The following SPON1 variants were observed in gnomAD, a reference collection of about 807,000 sequenced individuals.
SPON1 encodes the protein spondin 1, also known as spondin-1.
In SPON1, 52 loss-of-function variants were observed where a neutral mutation model predicts 111.7. The observed-to-expected ratio is 0.47, with a 90% CI of 0.37 to 0.59. The LOEUF (loss-of-function observed/expected upper bound fraction) is 0.59, where lower values mean the gene tolerates loss of function less well. Ranked by LOEUF, SPON1 falls within the 20% of genes least tolerant of loss-of-function variation. The pLI is 0.00. For missense variants in SPON1, 957 were observed against 1,068.5 expected (o/e 0.90, Z 1.46); for synonymous variants, 410 against 395.8 (o/e 1.04, Z -0.43).
intron 6 of SPON1, among the ~76,000 whole-genome samples, chr11:14,161,696 A>G (rs1554931364): frequency 6.6e-6 from 1 of 152,042 alleles, no homozygotes; most frequent in African/African-American, 2.4e-5. Flanking sequence ...TGAATATCTC[A>G]TATAGTTTAT....
intron 6 of SPON1, among the ~76,000 whole-genome samples, chr11:14,174,431 C>A (rs908767916): frequency 6.6e-6 from 1 of 152,164 alleles, no homozygotes; most frequent in African/African-American, 2.4e-5. Context: ...TAATTTGATA[C>A]CCCCAAAACT....
chr11:14,050,658 A>G (rs1289747584), intron 3 of SPON1, among the ~76,000 whole-genome samples: 1 of 151,992 alleles, frequency 6.6e-6, no homozygotes, highest in Admixed American at 6.5e-5. Flanking sequence ...CCAGGGATCA[A>G]GAGTGAAGGG....
At chr11:14,208,122 A>G (rs902998438) in intron 6 of SPON1, among the ~76,000 whole-genome samples, 3 of 152,210 alleles carry the variant, frequency 2.0e-5, no homozygotes, top group African/African-American at 7.2e-5. Context: ...CAAATATCAC[A>G]TGTTCTCCCT....
At chr11:14,132,809 G>C (rs1309518054) in intron 5 of SPON1, among the ~76,000 whole-genome samples, 1 of 152,050 alleles carries the variant, frequency 6.6e-6, no homozygotes, top group African/African-American at 2.4e-5. Flanking sequence ...CAGTTTTGTA[G>C]CCTCCCTACC....
chr11:14,180,504 C>T (rs1371534550), intron 6 of SPON1, among the ~76,000 whole-genome samples: 1 of 152,230 alleles, frequency 6.6e-6, no homozygotes, highest in Admixed American at 6.5e-5. Flanking sequence ...CTTTCATCGG[C>T]TAGCTCCTTC....
At chr11:14,068,392 A>G (rs1015656391) in intron 3 of SPON1, among the ~76,000 whole-genome samples, 21 of 152,288 alleles carry the variant, frequency 1.4e-4, no homozygotes, top group African/African-American at 4.8e-4. Flanking sequence ...TCCAATGACC[A>G]CACAAGTTTG....
intron 7 of SPON1, among the ~76,000 whole-genome samples, chr11:14,253,831 A>T (rs2133923563): frequency 6.6e-6 from 1 of 152,336 alleles, no homozygotes; most frequent in East Asian, 1.9e-4. Context: ...TGAGGGGAAA[A>T]TGAAATAATA....
intron 15 of SPON1, among the ~76,000 whole-genome samples, chr11:14,263,515 G>A (rs1171551741): frequency 7.2e-5 from 11 of 151,860 alleles, no homozygotes; most frequent in Non-Finnish European, 2.9e-5. Flanking sequence ...TTTTTTGCAA[G>A]GCTAACCAGA....
rs1007481249 is a variant in SPON1, at chr11:14,219,232, A to C, written c.826-24100A>C. Among the ~76,000 whole-genome samples the C allele has an allele frequency of 5.9e-5, 9 of 152,178 alleles. No homozygotes were observed. The South Asian group carries it at 1.4e-3, about 25-fold the overall frequency. On this transcript the variant is annotated intron_variant, in intron 6 of 15. Coordinates refer to ENST00000576479, the MANE Select transcript of SPON1 (RefSeq NM_006108.4). ...GAGCCTTCCTATTTCTTCTCATTGCAATGTTCCTACCTGCTGCAGTCACAT... is the reference window on the plus strand; with the variant it reads ...GAGCCTTCCTATTTCTTCTCATTGCCATGTTCCTACCTGCTGCAGTCACAT...
intron 2 of SPON1, among the ~76,000 whole-genome samples, chr11:14,040,118 C>G (rs1176906181): frequency 1.3e-5 from 2 of 152,128 alleles, no homozygotes; most frequent in Non-Finnish European, 2.9e-5. Flanking sequence ...ATTAATATGA[C>G]TATACCCACA....
At chr11:14,159,447 AC>A (rs1847885188) in intron 6 of SPON1, among the ~76,000 whole-genome samples, 1 of 152,186 alleles carries the variant, frequency 6.6e-6, no homozygotes, top group African/African-American at 2.4e-5. Context: ...GCAAATTAGT[AC>A]AAGAACTATG....
intron 2 of SPON1, among the ~76,000 whole-genome samples, chr11:14,035,470 T>A (rs557721694): frequency 6.6e-6 from 1 of 152,224 alleles, no homozygotes; most frequent in African/African-American, 2.4e-5. Context: ...ATCAAGGCTA[T>A]TAATAACCAT....
chr11:14,257,258 C>A (rs1554941310), intron 10 of SPON1, among the ~76,000 whole-genome samples: 1 of 152,214 alleles, frequency 6.6e-6, no homozygotes, highest in Non-Finnish European at 1.5e-5. Flanking sequence ...TGGGATAAAA[C>A]ATGTAAGGCT....
intron 2 of SPON1, among the ~76,000 whole-genome samples, chr11:14,013,731 C>T (rs1848422973): frequency 6.6e-6 from 1 of 152,148 alleles, no homozygotes; most frequent in Non-Finnish European, 1.5e-5. Context: ...TTACTGAGCA[C>T]CTGCTGTATA....
At chr11:14,191,259 G>T (rs574342799) in intron 6 of SPON1, among the ~76,000 whole-genome samples, 39 of 152,304 alleles carry the variant, frequency 2.6e-4, no homozygotes, top group Non-Finnish European at 3.4e-4. Flanking sequence ...GATGGAAGGT[G>T]GACCAATGAG....
intron 6 of SPON1, among the ~76,000 whole-genome samples, chr11:14,198,014 A>G (rs1554935260): frequency 1.3e-5 from 2 of 152,180 alleles, no homozygotes; most frequent in African/African-American, 4.8e-5. Flanking sequence ...ATTTAGCATC[A>G]TAAGCCTCCT....
intron 7 of SPON1, among the ~76,000 whole-genome samples, chr11:14,246,123 G>T (rs1018749009): frequency 1.3e-5 from 2 of 152,096 alleles, no homozygotes; most frequent in Non-Finnish European, 1.5e-5. Context: ...GAGTTTGTGG[G>T]TACCAATTTT....
At chr11:13,999,430 T>A (rs1332222996) in intron 2 of SPON1, among the ~76,000 whole-genome samples, 1 of 151,794 alleles carries the variant, frequency 6.6e-6, no homozygotes, top group Non-Finnish European at 1.5e-5. Flanking sequence ...CTTTCTTTTT[T>A]TTTTTTTTGA....
chr11:13,966,409 C>T (rs1848016693), intron 1 of SPON1, among the ~76,000 whole-genome samples: 1 of 152,140 alleles, frequency 6.6e-6, no homozygotes, highest in Non-Finnish European at 1.5e-5. Context: ...AGAAGAAAAT[C>T]CACTGAAATA....
Sources: gnomAD v4.1 joint callset for allele counts (sites outside exome capture counted in the v4.1 genomes callset) on GRCh38, gnomAD v4.1.1 for gene constraint, MANE v1.5 for transcripts, NCBI Gene and HGNC (gene_info 2026-07-23, HGNC 2026-07-21) for gene names.